Variants in GPC5 observed in about 807,000 individuals in gnomAD.
GPC5 encodes glypican-5.
A neutral mutation model predicts 53.9 loss-of-function variants in GPC5; 47 were observed. The ratio of observed to expected loss-of-function variants is 0.87; its 90% confidence interval spans 0.69 to 1.11. The LOEUF is 1.11. Ranked by LOEUF, GPC5 falls within the 50% of genes most tolerant of loss-of-function variation. GPC5 has a pLI of 0.00. For synonymous variants in GPC5, 286 were observed against 263.3 expected (o/e 1.09, Z -0.84); for missense variants, 748 against 713.1 (o/e 1.05, Z -0.56).
intron 6 of GPC5, among the ~76,000 whole-genome samples, chr13:92,106,743 C>T (rs2041513500): frequency 6.6e-6 from 1 of 152,004 alleles, no homozygotes; most frequent in Non-Finnish European, 1.5e-5. Context: ...CCAAGGCTTC[C>T]ATTCGCTCTA....
At chr13:92,322,813 G>A (rs185490610) in intron 7 of GPC5, among the ~76,000 whole-genome samples, 1 of 152,136 alleles carries the variant, frequency 6.6e-6, no homozygotes, top group Admixed American at 6.6e-5. Context: ...GCCACATCAG[G>A]TAATTATTTA....
chr13:92,104,839 G>A (rs1184836780), intron 6 of GPC5, among the ~76,000 whole-genome samples: 1 of 152,030 alleles, frequency 6.6e-6, no homozygotes, highest in African/African-American at 2.4e-5. Context: ...TGGGGTGACA[G>A]GTATAACATG....
intron 7 of GPC5, among the ~76,000 whole-genome samples, chr13:92,505,048 A>G (rs935240572): frequency 2.0e-5 from 3 of 151,804 alleles, no homozygotes; most frequent in African/African-American, 4.8e-5. Flanking sequence ...CTTACTGTTA[A>G]GAAACTTTAG....
chr13:92,487,660 T>C (rs1301204041), intron 7 of GPC5, among the ~76,000 whole-genome samples: 2 of 151,850 alleles, frequency 1.3e-5, no homozygotes, highest in African/African-American at 2.4e-5. Context: ...GACCCCAAAG[T>C]TTATCTTGAA....
At position 92,584,771 on chromosome 13, in the gene GPC5, G is replaced by A. The variant is rs548896541; in HGVS notation, c.1562-281511G>A. On this transcript the variant is annotated intron_variant, in intron 7 of 7. Transcript: ENST00000377067. ...TTCCTGGGCCAGGCCTAGGGTCCCT[G>A]TGTGGCATGCAGTCTAGGAACTTGG... Among the ~76,000 whole-genome samples the A allele has an allele frequency of 3.9e-5, 6 of 152,180 alleles. 1 individual carries two copies. In the South Asian group the frequency reaches 1.0e-3, roughly 26 times the overall value.
chr13:91,793,572 A>T (rs1484003267), intron 5 of GPC5, among the ~76,000 whole-genome samples: 3 of 152,228 alleles, frequency 2.0e-5, no homozygotes, highest in African/African-American at 7.2e-5. Context: ...CATTTAAAAT[A>T]AATCCACTGA....
intron 7 of GPC5, among the ~76,000 whole-genome samples, chr13:92,212,617 T>C (rs1286231804): frequency 6.6e-6 from 1 of 152,192 alleles, no homozygotes; most frequent in Non-Finnish European, 1.5e-5. Context: ...CCCTAAGTAG[T>C]AATGAATTTT....
At chr13:92,494,942 A>T (rs1177951564) in intron 7 of GPC5, among the ~76,000 whole-genome samples, 3 of 152,182 alleles carry the variant, frequency 2.0e-5, no homozygotes, top group East Asian at 1.9e-4. Context: ...TTTTTTAAAA[A>T]TTTTTTTGTG....
At chr13:92,280,569 A>G (rs768181589) in intron 7 of GPC5, among the ~76,000 whole-genome samples, 17 of 152,170 alleles carry the variant, frequency 1.1e-4, no homozygotes, top group Non-Finnish European at 1.8e-4. Context: ...TTTATCTCAA[A>G]TGATTTATTT....
At chr13:92,732,271 A>G (rs1888829499) in intron 7 of GPC5, among the ~76,000 whole-genome samples, 1 of 151,536 alleles carries the variant, frequency 6.6e-6, no homozygotes, top group Admixed American at 6.6e-5. Context: ...AACATAGTGA[A>G]TCCAAAAAAG....
chr13:91,891,978 A>C (rs2039391683), intron 5 of GPC5, among the ~76,000 whole-genome samples: 1 of 152,116 alleles, frequency 6.6e-6, no homozygotes, highest in Non-Finnish European at 1.5e-5. Flanking sequence ...AATATAGTAA[A>C]AGTTTATAAT....
chr13:91,607,415 G>A (rs1178344587), intron 2 of GPC5, among the ~76,000 whole-genome samples: 5 of 152,122 alleles, frequency 3.3e-5, no homozygotes, highest in East Asian at 1.9e-4. Flanking sequence ...ACTTGGAGAC[G>A]TGCTTGCCTA....
chr13:92,453,256 T>C (rs372577716), intron 7 of GPC5, among the ~76,000 whole-genome samples: 2 of 152,220 alleles, frequency 1.3e-5, no homozygotes, highest in African/African-American at 4.8e-5. Flanking sequence ...CGAGTTCCAT[T>C]GTAACGAATG....
intron 7 of GPC5, among the ~76,000 whole-genome samples, chr13:92,267,698 C>G (rs2042812009): frequency 7.2e-6 from 1 of 139,504 alleles, no homozygotes; most frequent in Non-Finnish European, 1.5e-5. Context: ...ATTCTGTGAA[C>G]TGGCTTACTC....
chr13:92,796,260 G>A (rs1876674628), intron 7 of GPC5, among the ~76,000 whole-genome samples: 1 of 151,998 alleles, frequency 6.6e-6, no homozygotes, highest in Non-Finnish European at 1.5e-5. Context: ...ACTATCACAA[G>A]GACAGAAAAC....
chr13:92,254,892 A>G lies in GPC5; in HGVS notation c.1561+109903A>G, dbSNP rs185308337. Among the ~76,000 whole-genome samples the G allele has an allele frequency of 8.5e-5, 13 of 152,270 alleles. 1 individual carries two copies. The East Asian group carries it at 2.5e-3, about 29-fold the overall frequency. On this transcript the variant is annotated intron_variant, in intron 7 of 7. Coordinates refer to ENST00000377067, the MANE Select transcript of GPC5 (RefSeq NM_004466.6). The stretch of plus-strand genomic sequence containing the variant: ...CCCCCAGTACATGGGGATAATTCAG[A>G]TTACAATTCAAGATGAAATTTGGGT...
chr13:91,847,147 C>A (rs566012875), intron 5 of GPC5, among the ~76,000 whole-genome samples: 73 of 140,406 alleles, frequency 5.2e-4, no homozygotes, highest in South Asian at 4.4e-3. Flanking sequence ...TGAACCCAGG[C>A]GGCGGAGCTT....
intron 2 of GPC5, among the ~76,000 whole-genome samples, chr13:91,638,099 G>GC (rs2034327590): frequency 6.6e-6 from 1 of 152,210 alleles, no homozygotes; most frequent in African/African-American, 2.4e-5. Context: ...TCTCTGTTTT[G>GC]CCTTTGACAT....
At chr13:92,201,844 A>G (rs1178308635) in intron 7 of GPC5, among the ~76,000 whole-genome samples, 2 of 152,236 alleles carry the variant, frequency 1.3e-5, no homozygotes, top group African/African-American at 4.8e-5. Flanking sequence ...AATACATCTG[A>G]CAATTGATGG....
Sources: allele counts gnomAD v4.1 joint callset (sites outside exome capture counted in the v4.1 genomes callset), GRCh38; gene constraint gnomAD v4.1.1; transcripts MANE v1.5; gene names NCBI Gene and HGNC (gene_info 2026-07-23, HGNC 2026-07-21).